Variants in PLCB1 observed in about 807,000 individuals in gnomAD.
The protein encoded by PLCB1 is 1-phosphatidylinositol 4,5-bisphosphate phosphodiesterase beta-1.
A neutral mutation model predicts 161.8 loss-of-function variants in PLCB1; 46 were observed. That is an observed-to-expected ratio of 0.28 (90% CI 0.22 to 0.36). The LOEUF (loss-of-function observed/expected upper bound fraction) is 0.36. Among genes scored for constraint, PLCB1 ranks in the 10% least tolerant of loss-of-function variants. The pLI, the probability that PLCB1 is intolerant of heterozygous loss-of-function variation, is 1.00. For synonymous variants in PLCB1, 517 were observed against 503.7 expected (o/e 1.03, Z -0.35); for missense variants, 1,016 against 1,472.5 (o/e 0.69, Z 5.07).
chr20:8,547,061 A>G (rs929814483), intron 3 of PLCB1, among the ~76,000 whole-genome samples: 2 of 152,314 alleles, frequency 1.3e-5, no homozygotes, highest in Admixed American at 6.5e-5. Context: ...AAATGCTTAC[A>G]TTTCTAGAAT....
intron 4 of PLCB1, among the ~76,000 whole-genome samples, chr20:8,630,689 C>A (rs1297904809): frequency 6.6e-6 from 1 of 152,098 alleles, no homozygotes; most frequent in Non-Finnish European, 1.5e-5. Context: ...AACTATATTC[C>A]TTTTATAAAA....
At chr20:8,367,881 G>T (rs1422154022) in intron 2 of PLCB1, among the ~76,000 whole-genome samples, 2 of 152,186 alleles carry the variant, frequency 1.3e-5, no homozygotes, top group East Asian at 3.9e-4. Flanking sequence ...CTCCAGAGGG[G>T]TGGCTGTGGT....
chr20:8,604,276 A>G lies in PLCB1; in HGVS notation c.247-24018A>G, dbSNP rs868007527. Among the ~76,000 whole-genome samples, 1,169 of 151,376 alleles carry G rather than the reference A, an allele frequency of 7.7e-3. 15 individuals carry two copies. Among genetic ancestry groups the G allele is most frequent in the African/African-American group, 0.026 (1,088 of 41,260 alleles). ...TCAAAAAAAAAAAAAAAAAAAAAAAAAAGGTTACTTTGATATTTTATGTTA... is the reference window on the plus strand; with the variant it reads ...TCAAAAAAAAAAAAAAAAAAAAAAAGAAGGTTACTTTGATATTTTATGTTA... On this transcript the variant is annotated intron_variant, in intron 3 of 31. Transcript: ENST00000338037.
At chr20:8,285,255 A>G (rs1321204065) in intron 2 of PLCB1, among the ~76,000 whole-genome samples, 2 of 148,560 alleles carry the variant, frequency 1.3e-5, no homozygotes, top group African/African-American at 2.4e-5. Context: ...ATTTCTATAC[A>G]TATAAATATA....
chr20:8,636,768 G>T (rs1988775111), intron 4 of PLCB1, among the ~76,000 whole-genome samples: 1 of 152,118 alleles, frequency 6.6e-6, no homozygotes, highest in Non-Finnish European at 1.5e-5. Context: ...CAAACTGAAG[G>T]GAAAATGTCA....
chr20:8,325,779 A>AT (rs549008689), intron 2 of PLCB1, among the ~76,000 whole-genome samples: 336 of 152,202 alleles, frequency 2.2e-3, no homozygotes, highest in African/African-American at 7.6e-3. Context: ...TTAAGCGGGA[A>AT]TGGGGGTGGG....
intron 2 of PLCB1, among the ~76,000 whole-genome samples, chr20:8,167,849 T>C (rs1283143781): frequency 6.6e-6 from 1 of 152,156 alleles, no homozygotes. Flanking sequence ...GTCACCCTTC[T>C]TTGGGTTAAC....
intron 3 of PLCB1, among the ~76,000 whole-genome samples, chr20:8,385,645 G>A (rs554232689): frequency 3.3e-5 from 5 of 152,214 alleles, no homozygotes; most frequent in Non-Finnish European, 7.3e-5. Context: ...CCCCAGTGGC[G>A]TGGGTTCACG....
At chr20:8,546,313 CAAAAAA>C (rs369485988) in intron 3 of PLCB1, among the ~76,000 whole-genome samples, 8,592 of 102,256 alleles carry the variant, frequency 0.084, 300 homozygotes, top group African/African-American at 0.15. Context: ...GACTCTATCT[CAAAAAA>C]AAAAAAAAAA....
At chr20:8,417,069 A>ATTTT in intron 3 of PLCB1, among the ~76,000 whole-genome samples, 7 of 84,078 alleles carry the variant, frequency 8.3e-5, no homozygotes, top group Admixed American at 1.6e-4. Flanking sequence ...ATATATATAT[A>ATTTT]TATATTTTTT....
intron 3 of PLCB1, among the ~76,000 whole-genome samples, chr20:8,481,573 T>C (rs1363175880): frequency 6.6e-6 from 1 of 152,248 alleles, no homozygotes; most frequent in Non-Finnish European, 1.5e-5. Context: ...CTTGGCTGTA[T>C]ATTTTAGTTC....
At chr20:8,764,014 A>G (rs1018594724) in intron 25 of PLCB1, among the ~76,000 whole-genome samples, 2 of 152,032 alleles carry the variant, frequency 1.3e-5, no homozygotes, top group African/African-American at 4.8e-5. Flanking sequence ...AAAATAGAAA[A>G]TAATTATCCG....
At chr20:8,413,703 T>C (rs6118190) in intron 3 of PLCB1, among the ~76,000 whole-genome samples, 363 of 152,338 alleles carry the variant, frequency 2.4e-3, no homozygotes, top group Non-Finnish European at 4.2e-3. Context: ...AAATTCTAGA[T>C]CTTTCTTTAT....
chr20:8,252,144 A>G (rs1055327525), intron 2 of PLCB1, among the ~76,000 whole-genome samples: 3 of 151,932 alleles, frequency 2.0e-5, no homozygotes, highest in African/African-American at 7.2e-5. Flanking sequence ...AGAAAAGCAG[A>G]GGAGGGGAGG....
chr20:8,750,759 C>G (rs771262147), intron 23 of PLCB1: 5 of 965,602 alleles, frequency 5.2e-6, no homozygotes, highest in Non-Finnish European at 7.4e-6. Flanking sequence ...AAGGGAAAGG[C>G]TGGCTCTAAC....
At chr20:8,761,329 A>T (rs1982013547) in intron 25 of PLCB1, among the ~76,000 whole-genome samples, 1 of 152,250 alleles carries the variant, frequency 6.6e-6, no homozygotes, top group Admixed American at 6.5e-5. Flanking sequence ...GGCTTCTGGG[A>T]TGCTGGCCAA....
At chr20:8,758,622 A>T (rs1053404534) in intron 24 of PLCB1, among the ~76,000 whole-genome samples, 3 of 152,142 alleles carry the variant, frequency 2.0e-5, no homozygotes, top group Non-Finnish European at 4.4e-5. Context: ...TAATAGTAAG[A>T]AGATGACGTT....
chr20:8,267,959 T>TTATTATTATTATTATTATTA (rs1982060173), intron 2 of PLCB1, among the ~76,000 whole-genome samples: 2 of 148,662 alleles, frequency 1.3e-5, no homozygotes, highest in African/African-American at 5.0e-5. Context: ...TCCATCTGTC[T>TTATTATTATTATTATTATTA]TTATTATTAT....
chr20:8,686,891 G>A (rs1990371538), intron 10 of PLCB1, among the ~76,000 whole-genome samples: 1 of 152,140 alleles, frequency 6.6e-6, no homozygotes, highest in South Asian at 2.1e-4. Context: ...AAAAGTATGA[G>A]TAACAGCAAT....
Sources: gnomAD v4.1 joint callset for allele counts (sites outside exome capture counted in the v4.1 genomes callset) on GRCh38, gnomAD v4.1.1 for gene constraint, MANE v1.5 for transcripts, NCBI Gene and HGNC (gene_info 2026-07-23, HGNC 2026-07-21) for gene names.